Variants in GPHN observed in about 807,000 individuals in gnomAD.
GPHN encodes the protein gephyrin.
Under a neutral mutation model 95.5 loss-of-function variants are expected in GPHN, and 17 were observed. The ratio of observed to expected loss-of-function variants is 0.18; its 90% CI spans 0.12 to 0.27. GPHN has a LOEUF of 0.27. GPHN is among the 10% of genes least tolerant of loss of function. The pLI is 1.00. For synonymous variants in GPHN, 320 were observed against 322.5 expected, an observed-to-expected ratio of 0.99 and a Z score of 0.08; for missense variants, 660 against 978.1, an observed-to-expected ratio of 0.67 and a Z score of 4.34.
chr14:66,724,219 A>G (rs548647519), intron 2 of GPHN, among the ~76,000 whole-genome samples: 2 of 152,274 alleles, frequency 1.3e-5, no homozygotes, highest in South Asian at 4.1e-4. Context: ...GCTTTTCACC[A>G]ATATTTGGGG....
chr14:66,824,386 C>T (rs1172637441), intron 3 of GPHN, 88 bp from the exon 4 acceptor site: 4 of 704,790 alleles, frequency 5.7e-6, no homozygotes, highest in African/African-American at 1.8e-5. Flanking sequence ...TGTGTTTCCT[C>T]GTTGAATACA....
At chr14:66,788,338 T>A (rs925533211) in intron 3 of GPHN, among the ~76,000 whole-genome samples, 1 of 152,136 alleles carries the variant, frequency 6.6e-6, no homozygotes, top group African/African-American at 2.4e-5. Flanking sequence ...AGACAACAGT[T>A]AATCTATGAA....
chr14:67,715,971 G>A, the GPHN span, among the ~76,000 whole-genome samples: 1 of 152,118 alleles, frequency 6.6e-6, no homozygotes, highest in South Asian at 2.1e-4. Flanking sequence ...CGAGGCGGGC[G>A]GATCACGAGG....
In GPHN at chr14:66,837,610, AATAAAAATAAAT is replaced by A. The variant is rs1316684406; in HGVS notation, c.294+13046_294+13057del. On this transcript the variant is annotated intron_variant, in intron 4 of 22. Coordinates refer to ENST00000478722, the MANE Select transcript of GPHN (RefSeq NM_020806.5). ...AAAGTATAATAAAAATAAATAAATAAATAAAAATAAATAAATAAATAAATAAATAAATAAATA... is the reference window on the plus strand; with the variant it reads ...AAAGTATAATAAAAATAAATAAATAAAAATAAATAAATAAATAAATAAATA... Among the ~76,000 whole-genome samples, 17 of 130,128 alleles carry A rather than the reference AATAAAAATAAAT, an allele frequency of 1.3e-4. No individual in the cohort carries two copies. The South Asian group carries it at 2.6e-3, about 20-fold the overall frequency. The allele number at this position is 130,128 out of a possible 152,430, so 85.4% of individuals were successfully genotyped here. A position where few individuals can be genotyped will look rare whatever the true frequency, so the allele number is the denominator to read the frequency against.
chr14:66,579,420 A>G (rs1205847225), intron 1 of GPHN, among the ~76,000 whole-genome samples: 5 of 151,538 alleles, frequency 3.3e-5, no homozygotes, highest in Non-Finnish European at 7.4e-5. Flanking sequence ...AGCTGAATGG[A>G]TTAAAAAAAA....
intron 2 of GPHN, among the ~76,000 whole-genome samples, chr14:66,687,562 C>T (rs1336122771): frequency 6.9e-6 from 1 of 145,730 alleles, no homozygotes; most frequent in Non-Finnish European, 1.5e-5. Context: ...AATCTCGGCT[C>T]ACCGCAACCT....
the GPHN span, chr14:67,321,068 A>C: frequency 6.2e-7 from 1 of 1,614,026 alleles, no homozygotes. Context: ...TACAACCCGG[A>C]GTAGGCGAGA....
chr14:67,190,810 A>G, the GPHN span, among the ~76,000 whole-genome samples: 1 of 152,348 alleles, frequency 6.6e-6, no homozygotes, highest in East Asian at 1.9e-4. Flanking sequence ...GTTTATTAGT[A>G]TAGTAAGAAT....
At chr14:66,599,682 G>A (rs541642078) in intron 1 of GPHN, among the ~76,000 whole-genome samples, 57 of 151,312 alleles carry the variant, frequency 3.8e-4, no homozygotes, top group Non-Finnish European at 6.5e-4. Context: ...GGCCTCTAAT[G>A]TTTTCTTTAC....
chr14:67,208,149 A>G, the GPHN span: 1 of 1,602,416 alleles, frequency 6.2e-7, no homozygotes, highest in Non-Finnish European at 8.5e-7. Flanking sequence ...ACAAACACCT[A>G]TTACCTGATG....
chr14:67,519,392 C>T, the GPHN span, among the ~76,000 whole-genome samples: 1 of 152,200 alleles, frequency 6.6e-6, no homozygotes, highest in Non-Finnish European at 1.5e-5. Context: ...GGGAAGTAAT[C>T]GAGGGTCTCC....
At chr14:67,530,013 A>G in the GPHN span, among the ~76,000 whole-genome samples, 1 of 152,120 alleles carries the variant, frequency 6.6e-6, no homozygotes, top group Admixed American at 6.5e-5. Context: ...GCAGGTAGGG[A>G]TGGGAAGCAG....
chr14:67,240,791 T>C, the GPHN span, among the ~76,000 whole-genome samples: 5 of 152,088 alleles, frequency 3.3e-5, no homozygotes, highest in African/African-American at 1.2e-4. Flanking sequence ...TTCTGGGAAA[T>C]AGTTCTAGTC....
the GPHN span, chr14:67,580,428 G>C: frequency 1.8e-5 from 3 of 168,684 alleles, no homozygotes; most frequent in Admixed American, 1.7e-4. Context: ...GTGTTTGTAA[G>C]AATGTGCTCT....
the GPHN span, chr14:67,586,224 C>T: frequency 2.5e-6 from 3 of 1,209,060 alleles, no homozygotes; most frequent in Non-Finnish European, 3.6e-6. Flanking sequence ...TTGGTCTTGT[C>T]TGTAATTAGT....
At chr14:67,256,547 T>G in the GPHN span, among the ~76,000 whole-genome samples, 1 of 152,208 alleles carries the variant, frequency 6.6e-6, no homozygotes, top group Non-Finnish European at 1.5e-5. Flanking sequence ...TCCTTTTTTC[T>G]TTTTTCTTTT....
the GPHN span, among the ~76,000 whole-genome samples, chr14:67,192,680 T>A: frequency 9.2e-5 from 14 of 151,888 alleles, no homozygotes; most frequent in East Asian, 2.7e-3. Context: ...ATGTTCCAAA[T>A]AGCTTGACAC....
At chr14:66,600,732 A>G (rs138803763) in intron 1 of GPHN, among the ~76,000 whole-genome samples, 1 of 152,196 alleles carries the variant, frequency 6.6e-6, no homozygotes, top group African/African-American at 2.4e-5. Context: ...CAAATCATCA[A>G]CAAAAAGCAC....
the GPHN span, among the ~76,000 whole-genome samples, chr14:67,693,579 T>C: frequency 6.6e-6 from 1 of 151,128 alleles, no homozygotes; most frequent in African/African-American, 2.4e-5. Flanking sequence ...AGATTATGTA[T>C]GTACAAAGGG....
Sources: allele counts gnomAD v4.1 joint callset (sites outside exome capture counted in the v4.1 genomes callset), GRCh38; gene constraint gnomAD v4.1.1; transcripts MANE v1.5; gene names NCBI Gene and HGNC (gene_info 2026-07-23, HGNC 2026-07-21).